NBAS: variants seen among roughly 807,000 people sequenced by gnomAD.
NBAS encodes the protein NAG/BC035112 fusion.
In NBAS, 219 loss-of-function variants were observed where a neutral mutation model predicts 302.5. The observed-to-expected ratio is 0.72, with a 90% CI of 0.65 to 0.81. The LOEUF is 0.81. Ranked by LOEUF, NBAS falls within the 30% of genes least tolerant of loss-of-function variation. NBAS has a pLI of 0.00. For missense variants in NBAS, 2,932 were observed against 2,841.6 expected (o/e 1.03, Z -0.72); for synonymous variants, 1,118 against 1,021.6 (o/e 1.09, Z -1.80).
chr2:15,002,762 G>A, the NBAS span, among the ~76,000 whole-genome samples: 4 of 152,218 alleles, frequency 2.6e-5, no homozygotes, highest in Admixed American at 2.0e-4. Flanking sequence ...TACACCCTCC[G>A]CAGCTGCTGG....
At chr2:15,360,274 A>T (rs1329773478) in intron 32 of NBAS, among the ~76,000 whole-genome samples, 1 of 150,564 alleles carries the variant, frequency 6.6e-6, no homozygotes, top group Non-Finnish European at 1.5e-5. Flanking sequence ...CATGAAATTT[A>T]GTAAAAAAAT....
intron 44 of NBAS, among the ~76,000 whole-genome samples, chr2:15,245,615 ATGGAT>A (rs1460263493): frequency 4.1e-5 from 6 of 146,882 alleles, no homozygotes; most frequent in African/African-American, 1.6e-4. Flanking sequence ...GGAAGGATGG[ATGGAT>A]GGATGGATGG....
At chr2:15,129,444 G>A in the NBAS span, among the ~76,000 whole-genome samples, 2 of 152,184 alleles carry the variant, frequency 1.3e-5, no homozygotes, top group Non-Finnish European at 2.9e-5. Flanking sequence ...GGAGGCATCA[G>A]AGTCTTCTCC....
chr2:15,097,959 T>C, the NBAS span, among the ~76,000 whole-genome samples: 2 of 110,732 alleles, frequency 1.8e-5, no homozygotes, highest in Non-Finnish European at 3.4e-5. Flanking sequence ...GTATATAATA[T>C]ATATATTATA....
intron 40 of NBAS, among the ~76,000 whole-genome samples, chr2:15,294,851 G>T (rs1218511190): frequency 6.6e-6 from 1 of 152,162 alleles, no homozygotes; most frequent in Admixed American, 6.5e-5. Context: ...AATGAAGAAG[G>T]CTTTTCTTCA....
chr2:15,027,317 T>C, the NBAS span, among the ~76,000 whole-genome samples: 1 of 152,142 alleles, frequency 6.6e-6, no homozygotes, highest in Non-Finnish European at 1.5e-5. Context: ...TTTCTTTGTG[T>C]ACATTTACTG....
chr2:15,254,050 A>G (rs897751779), intron 44 of NBAS, among the ~76,000 whole-genome samples: 11 of 152,312 alleles, frequency 7.2e-5, no homozygotes, highest in African/African-American at 2.2e-4. Flanking sequence ...ATTGCCAGCC[A>G]TTATTACATT....
chr2:14,937,868 C>T, the NBAS span, among the ~76,000 whole-genome samples: 902 of 152,188 alleles, frequency 5.9e-3, 14 homozygotes, highest in African/African-American at 0.021. Context: ...CGGTGGCTCA[C>T]GCCTGTAATC....
At chr2:15,003,517 A>C in the NBAS span, among the ~76,000 whole-genome samples, 1 of 152,340 alleles carries the variant, frequency 6.6e-6, no homozygotes, top group South Asian at 2.1e-4. Context: ...AAAGCTATGA[A>C]GAACAATAAA....
At chr2:14,936,423 G>A in the NBAS span, among the ~76,000 whole-genome samples, 1 of 152,210 alleles carries the variant, frequency 6.6e-6, no homozygotes, top group African/African-American at 2.4e-5. Context: ...GGTACCTTCT[G>A]GCCTAAGCCA....
At chr2:14,870,848 A>C in the NBAS span, among the ~76,000 whole-genome samples, 2 of 152,166 alleles carry the variant, frequency 1.3e-5, no homozygotes, top group Non-Finnish European at 1.5e-5. Context: ...CAAAGATATT[A>C]AAGTATTATT....
the NBAS span, among the ~76,000 whole-genome samples, chr2:14,912,138 C>T: frequency 6.6e-6 from 1 of 152,110 alleles, no homozygotes; most frequent in East Asian, 1.9e-4. Context: ...TATATTGAAA[C>T]ATATCTAAAC....
intron 21 of NBAS, among the ~76,000 whole-genome samples, chr2:15,443,699 G>C (rs1678566992): frequency 6.6e-6 from 1 of 150,934 alleles, no homozygotes; most frequent in Non-Finnish European, 1.5e-5. Flanking sequence ...ATTAGGAAAA[G>C]AGGAAGTCAA....
chr2:15,142,204 C>T, the NBAS span, among the ~76,000 whole-genome samples: 6 of 151,950 alleles, frequency 3.9e-5, no homozygotes, highest in South Asian at 4.1e-4. Context: ...TGCAAATGCA[C>T]GAAAAATGAG....
intron 28 of NBAS, among the ~76,000 whole-genome samples, chr2:15,385,267 T>C (rs1675231155): frequency 6.6e-6 from 1 of 152,190 alleles, no homozygotes; most frequent in African/African-American, 2.4e-5. Context: ...TCAGATTGCT[T>C]ACAGGCAGAG....
At chr2:14,884,230 C>T in the NBAS span, among the ~76,000 whole-genome samples, 1 of 152,010 alleles carries the variant, frequency 6.6e-6, no homozygotes, top group East Asian at 1.9e-4. Flanking sequence ...GTAAGCATCT[C>T]GAAACTATGT....
chr2:15,482,190 G>A (rs1380472963), intron 12 of NBAS, among the ~76,000 whole-genome samples: 3 of 152,118 alleles, frequency 2.0e-5, no homozygotes, highest in African/African-American at 7.2e-5. Flanking sequence ...CAGTGCAGTG[G>A]CGTGGTCACG....
chr2:15,047,346 G>A, the NBAS span, among the ~76,000 whole-genome samples: 1 of 152,248 alleles, frequency 6.6e-6, no homozygotes, highest in Admixed American at 6.5e-5. Flanking sequence ...AGTGGCAGGT[G>A]AAGGCTGGGC....
At chr2:15,300,482 A>G (rs148879154) in intron 40 of NBAS, among the ~76,000 whole-genome samples, 5 of 152,226 alleles carry the variant, frequency 3.3e-5, no homozygotes, top group East Asian at 3.8e-4. Context: ...AAACTCCTAT[A>G]TACTTAAAAC....
Sources: gnomAD v4.1 joint callset for allele counts (sites outside exome capture counted in the v4.1 genomes callset) on GRCh38, gnomAD v4.1.1 for gene constraint, MANE v1.5 for transcripts, NCBI Gene and HGNC (gene_info 2026-07-23, HGNC 2026-07-21) for gene names.